Variants in NEMP2 observed in about 807,000 individuals in gnomAD.
NEMP2 encodes the protein UPF0571 transmembrane protein.
NEMP2 carries 53 observed loss-of-function variants against 54.2 expected under a neutral mutation model. The observed-to-expected ratio is 0.98, with a 90% CI of 0.78 to 1.23. The LOEUF (loss-of-function observed/expected upper bound fraction) is 1.23. NEMP2 is among the 50% of genes most tolerant of loss of function. NEMP2 has a pLI of 0.00. For synonymous variants in NEMP2, 197 were observed against 190.3 expected, an observed-to-expected ratio of 1.04 and a Z score of -0.29; for missense variants, 455 against 511.3, an observed-to-expected ratio of 0.89 and a Z score of 1.06.
chr2:190,539,940 G>A, the NEMP2 span, among the ~76,000 whole-genome samples: 1 of 152,058 alleles, frequency 6.6e-6, no homozygotes, highest in East Asian at 1.9e-4. The surrounding 1 kb of genome is among the most constrained non-coding windows in gnomAD (Gnocchi z 4.1). Flanking sequence ...GCTCTTGCTA[G>A]GACTTCCAGT....
chr2:190,545,761 A>G, the NEMP2 span, among the ~76,000 whole-genome samples: 7 of 152,056 alleles, frequency 4.6e-5, no homozygotes, highest in Non-Finnish European at 4.4e-5. Flanking sequence ...TTCTGCTTCT[A>G]TGTTCTCTCT....
the NEMP2 span, among the ~76,000 whole-genome samples, chr2:190,492,377 A>G: frequency 6.6e-6 from 1 of 152,230 alleles, no homozygotes; most frequent in African/African-American, 2.4e-5. The surrounding 1 kb of genome is among the most constrained non-coding windows in gnomAD (Gnocchi z 5.2). Context: ...GAAGGAAAGA[A>G]TCTTAAGAGC....
chr2:190,590,782 T>C, the NEMP2 span, among the ~76,000 whole-genome samples: 9 of 152,216 alleles, frequency 5.9e-5, no homozygotes, highest in Admixed American at 5.9e-4. The surrounding 1 kb of genome is among the most constrained non-coding windows in gnomAD (Gnocchi z 5.1). Context: ...CTGTTGTGAG[T>C]AATAAAGCCT....
chr2:190,534,193 G>A (rs1025750080), intron 1 of NEMP2: 3 of 1,049,872 alleles, frequency 2.9e-6, no homozygotes, highest in Non-Finnish European at 3.4e-6. Context: ...ACAAAAGGCC[G>A]TGTGCTGAAA....
the NEMP2 span, among the ~76,000 whole-genome samples, chr2:190,624,171 T>C: frequency 2.5e-3 from 376 of 152,080 alleles, 2 homozygotes; most frequent in African/African-American, 8.9e-3. Context: ...AAAGAAGACA[T>C]ACAAATGGCC....
At chr2:190,645,179 A>C in the NEMP2 span, among the ~76,000 whole-genome samples, 24 of 152,218 alleles carry the variant, frequency 1.6e-4, no homozygotes, top group Non-Finnish European at 8.8e-5. Flanking sequence ...TCTTGCCCTT[A>C]CTTTTATATA....
the NEMP2 span, among the ~76,000 whole-genome samples, chr2:190,620,134 A>C: frequency 6.6e-6 from 1 of 152,220 alleles, no homozygotes; most frequent in Non-Finnish European, 1.5e-5. This position sits in a 1 kb window ranked among gnomAD's most constrained non-coding sequence, Gnocchi z 4.9. Flanking sequence ...TGGATGTGAT[A>C]ATGTCTTCTC....
chr2:190,550,073 AC>A, the NEMP2 span, among the ~76,000 whole-genome samples: 1 of 152,228 alleles, frequency 6.6e-6, no homozygotes, highest in Non-Finnish European at 1.5e-5. This position sits in a 1 kb window ranked among gnomAD's most constrained non-coding sequence, Gnocchi z 4.7. Context: ...TATTTATACT[AC>A]ATTGCATCTC....
the NEMP2 span, among the ~76,000 whole-genome samples, chr2:190,627,534 T>C: frequency 3.2e-3 from 481 of 151,456 alleles, 3 homozygotes; most frequent in African/African-American, 0.011. The surrounding 1 kb of genome is among the most constrained non-coding windows in gnomAD (Gnocchi z 4.4). Flanking sequence ...TAACAAGTAA[T>C]AACATATTCA....
In NEMP2 at chr2:190,508,927, A is replaced by G. The variant is rs989587576; in HGVS notation, c.*262T>C. The G allele has an allele frequency of 4.3e-6, 2 of 461,912 alleles. No individual in the cohort carries two copies. The highest frequency in any genetic ancestry group is 7.8e-6 in the Non-Finnish European group (2 of 257,468). The allele number at this position is 461,912 out of a possible 1,614,324, so 28.6% of individuals were successfully genotyped here. A position where few individuals can be genotyped will look rare whatever the true frequency, so the allele number is the denominator to read the frequency against. On this transcript the variant is annotated 3_prime_UTR_variant, in exon 9 of 9. Coordinates refer to ENST00000409150, the MANE Select transcript of NEMP2 (RefSeq NM_001142645.2). This position sits in a 1 kb window ranked among gnomAD's most constrained non-coding sequence, Gnocchi z 4.3. ...AGAACAACGCCATTCCCCTGTTCCT[A>G]ATGAAAGCCTTCATTCAAGGTAAGT...
At chr2:190,535,269 C>T (rs1260439569), upstream of NEMP2, 1 of 152,078 alleles carries the variant, frequency 6.6e-6, no homozygotes, top group African/African-American at 2.4e-5. Flanking sequence ...GAAATTTGGC[C>T]GCTTAAGTAA....
the NEMP2 span, among the ~76,000 whole-genome samples, chr2:190,564,744 T>G: frequency 2.0e-5 from 3 of 152,210 alleles, no homozygotes; most frequent in Admixed American, 1.3e-4. This position sits in a 1 kb window ranked among gnomAD's most constrained non-coding sequence, Gnocchi z 4.2. Flanking sequence ...GAACTGCCAC[T>G]AAGTTTCTAG....
At chr2:190,568,821 T>TCAAAA in the NEMP2 span, among the ~76,000 whole-genome samples, 165 of 151,908 alleles carry the variant, frequency 1.1e-3, no homozygotes, top group African/African-American at 3.0e-3. This position sits in a 1 kb window ranked among gnomAD's most constrained non-coding sequence, Gnocchi z 4.7. Flanking sequence ...AAACTCCATC[T>TCAAAA]CAAAACAAAA....
chr2:190,562,719 A>T, the NEMP2 span, among the ~76,000 whole-genome samples: 4 of 152,046 alleles, frequency 2.6e-5, no homozygotes, highest in South Asian at 2.1e-4. The surrounding 1 kb of genome is among the most constrained non-coding windows in gnomAD (Gnocchi z 5.0). Context: ...TTTAAGGCAT[A>T]TTTTTTTAAA....
At chr2:190,473,344 C>A in the NEMP2 span, among the ~76,000 whole-genome samples, 1 of 152,282 alleles carries the variant, frequency 6.6e-6, no homozygotes, top group East Asian at 1.9e-4. Flanking sequence ...GGAAACCCAT[C>A]TCACGTGCAG....
chr2:190,458,379 G>A, the NEMP2 span, among the ~76,000 whole-genome samples: 3 of 152,270 alleles, frequency 2.0e-5, no homozygotes, highest in South Asian at 2.1e-4. This position sits in a 1 kb window ranked among gnomAD's most constrained non-coding sequence, Gnocchi z 5.3. Context: ...GAAGATAGGC[G>A]ATGACACAGG....
chr2:190,570,726 G>C, the NEMP2 span, among the ~76,000 whole-genome samples: 1 of 152,228 alleles, frequency 6.6e-6, no homozygotes, highest in East Asian at 1.9e-4. This position sits in a 1 kb window ranked among gnomAD's most constrained non-coding sequence, Gnocchi z 5.4. Flanking sequence ...AAGCATGGAT[G>C]CAAAATGTGT....
chr2:190,547,480 TTA>T, the NEMP2 span, among the ~76,000 whole-genome samples: 2 of 152,238 alleles, frequency 1.3e-5, no homozygotes, highest in Admixed American at 1.3e-4. This position sits in a 1 kb window ranked among gnomAD's most constrained non-coding sequence, Gnocchi z 6.2. Flanking sequence ...GATAACATCT[TTA>T]TTTTAAATCA....
At chr2:190,451,896 G>T in the NEMP2 span, among the ~76,000 whole-genome samples, 7 of 152,338 alleles carry the variant, frequency 4.6e-5, no homozygotes, top group East Asian at 9.6e-4. This position sits in a 1 kb window ranked among gnomAD's most constrained non-coding sequence, Gnocchi z 5.0. Context: ...GAAGGCAATT[G>T]CTTGGGCAGA....
Sources: allele counts gnomAD v4.1 joint callset (sites outside exome capture counted in the v4.1 genomes callset), GRCh38; gene constraint gnomAD v4.1.1; non-coding constraint Gnocchi (gnomAD v3.1); transcripts MANE v1.5; gene names NCBI Gene and HGNC (gene_info 2026-07-23, HGNC 2026-07-21).